NALF1: variants seen among roughly 807,000 people sequenced by gnomAD.
The protein encoded by NALF1 is NALCN channel auxiliary factor 1.
A neutral mutation model predicts 48.4 loss-of-function variants in NALF1; 3 were observed. The ratio of observed to expected loss-of-function variants is 0.06; its 90% CI spans 0.03 to 0.16. The LOEUF is 0.16. Among genes scored for constraint, NALF1 ranks in the 10% least tolerant of loss-of-function variants. The probability of loss-of-function intolerance (pLI) is 1.00; values close to 1 mark genes in which losing one functional copy is unlikely to be tolerated. For missense variants in NALF1, 526 were observed against 571.5 expected (o/e 0.92, Z 0.81); for synonymous variants, 262 against 245.7 (o/e 1.07, Z -0.62).
At chr13:107,598,866 T>C (rs759509319) in intron 1 of NALF1, among the ~76,000 whole-genome samples, 2 of 152,182 alleles carry the variant, frequency 1.3e-5, no homozygotes, top group African/African-American at 4.8e-5. Flanking sequence ...TTCTCACTTA[T>C]CATGATCTGA....
intron 1 of NALF1, among the ~76,000 whole-genome samples, chr13:107,649,882 C>T (rs528754295): frequency 6.6e-6 from 1 of 152,142 alleles, no homozygotes; most frequent in African/African-American, 2.4e-5. Flanking sequence ...GATTCAAATA[C>T]AGGTTAGGCC....
intron 1 of NALF1, among the ~76,000 whole-genome samples, chr13:107,547,312 T>A (rs1490799083): frequency 6.6e-6 from 1 of 152,198 alleles, no homozygotes; most frequent in Non-Finnish European, 1.5e-5. Flanking sequence ...CCAGAAAAAT[T>A]GAATTTTGTT....
At chr13:107,342,886 G>A (rs138960500) in intron 1 of NALF1, among the ~76,000 whole-genome samples, 15 of 152,116 alleles carry the variant, frequency 9.9e-5, no homozygotes, top group South Asian at 6.2e-4. Context: ...TGACGCATAC[G>A]TTGACAGAAG....
In NALF1 at chr13:107,778,708, AG is replaced by A. The variant is rs1212224041; in HGVS notation, c.915+86973del. On this transcript the variant is annotated intron_variant, in intron 1 of 2. Coordinates refer to ENST00000375915, the MANE Select transcript of NALF1 (RefSeq NM_001080396.3). ...ACAGGAGATGGAGACCATAAACCTT[AG>A]GGTCTCTCCCTATTCAAAGGCCCCA... 7.2e-5 allele frequency among the ~76,000 whole-genome samples: 11 copies of A among 152,244 alleles called. No homozygotes were observed. The South Asian group carries it at 2.3e-3, about 32-fold the overall frequency.
intron 1 of NALF1, among the ~76,000 whole-genome samples, chr13:107,333,833 A>T (rs1272704483): frequency 2.0e-5 from 3 of 152,182 alleles, no homozygotes; most frequent in African/African-American, 7.2e-5. Context: ...TGTAGATGGA[A>T]TCATTTCTGT....
intron 2 of NALF1, among the ~76,000 whole-genome samples, chr13:107,199,029 T>G (rs1879452852): frequency 6.6e-6 from 1 of 151,708 alleles, no homozygotes; most frequent in Non-Finnish European, 1.5e-5. Flanking sequence ...GCTTTTAGGG[T>G]GGGTCCTAGT....
intron 1 of NALF1, among the ~76,000 whole-genome samples, chr13:107,575,530 C>A (rs1180028049): frequency 6.6e-6 from 1 of 152,136 alleles, no homozygotes; most frequent in Admixed American, 6.5e-5. Flanking sequence ...GCTGGCAGCA[C>A]ACTGCCTAGG....
rs1006270351 is a variant in NALF1, at chr13:107,374,202, C to A, written c.916-163447G>T. Among the ~76,000 whole-genome samples the A allele has an allele frequency of 2.6e-5, 4 of 152,168 alleles. No individual in the cohort carries two copies. In the East Asian group the frequency reaches 7.7e-4, roughly 29 times the overall value. On this transcript the variant is annotated intron_variant, in intron 1 of 2. Transcript: ENST00000375915. Reference sequence around the variant, plus strand: ...ACTTCTCTGCTGTAGTCAACCTGGACCAGTCACCATCCCACAAACACATCA... The same window carrying A: ...ACTTCTCTGCTGTAGTCAACCTGGAACAGTCACCATCCCACAAACACATCA...
intron 1 of NALF1, among the ~76,000 whole-genome samples, chr13:107,553,644 T>A (rs1170301798): frequency 6.6e-6 from 1 of 152,234 alleles, no homozygotes. Flanking sequence ...CCAATCAAAA[T>A]ATTCATTTGG....
At chr13:107,652,028 T>C (rs1020583556) in intron 1 of NALF1, among the ~76,000 whole-genome samples, 12 of 152,220 alleles carry the variant, frequency 7.9e-5, no homozygotes, top group Admixed American at 6.5e-4. Flanking sequence ...TGTTTAACTC[T>C]ATAAATAACT....
chr13:107,598,799 T>G (rs559556232), intron 1 of NALF1, among the ~76,000 whole-genome samples: 2 of 152,146 alleles, frequency 1.3e-5, no homozygotes, highest in Non-Finnish European at 2.9e-5. Context: ...CCACCTTACC[T>G]GAGGCAGTGG....
rs188545194 is a variant in NALF1, at chr13:107,374,012, C to T, written c.916-163257G>A. On this transcript the variant is annotated intron_variant, in intron 1 of 2. Transcript: ENST00000375915. ...AAAGCAAAAATAAAAACATTTGGGA[C>T]GTTTTCTTTGTAATGAAAATTATTG... is the stretch of plus-strand genomic sequence containing the variant. 6.9e-4 allele frequency among the ~76,000 whole-genome samples: 105 copies of T among 152,240 alleles called. 1 individual carries two copies. The Middle Eastern group carries it at 0.014, about 20-fold the overall frequency.
intron 1 of NALF1, among the ~76,000 whole-genome samples, chr13:107,593,304 G>T (rs918921544): frequency 1.4e-4 from 22 of 151,744 alleles, no homozygotes; most frequent in African/African-American, 5.3e-4. Flanking sequence ...TGATGAAAAT[G>T]ATATTAATAT....
At chr13:107,708,026 T>C (rs573457505) in intron 1 of NALF1, among the ~76,000 whole-genome samples, 25 of 151,776 alleles carry the variant, frequency 1.6e-4, no homozygotes, top group African/African-American at 6.0e-4. Context: ...AATAGGTGTA[T>C]GTGTTTTCTG....
chr13:107,471,414 G>T (rs990655231), intron 1 of NALF1, among the ~76,000 whole-genome samples: 9 of 152,256 alleles, frequency 5.9e-5, no homozygotes, highest in African/African-American at 1.9e-4. Context: ...TTTGCAGTTG[G>T]GTCAGGGGAT....
intron 1 of NALF1, among the ~76,000 whole-genome samples, chr13:107,645,555 C>T (rs1027891751): frequency 3.3e-5 from 5 of 152,090 alleles, no homozygotes; most frequent in Middle Eastern, 3.4e-3. Flanking sequence ...CCACTTAATA[C>T]AATTTTTATC....
At chr13:107,783,064 G>C (rs1189692387) in intron 1 of NALF1, among the ~76,000 whole-genome samples, 1 of 138,960 alleles carries the variant, frequency 7.2e-6, no homozygotes, top group South Asian at 2.2e-4. Context: ...GGAGGGAGGT[G>C]GGGGGGTCAG....
intron 1 of NALF1, among the ~76,000 whole-genome samples, chr13:107,380,425 A>G (rs1040873442): frequency 6.6e-6 from 1 of 152,164 alleles, no homozygotes; most frequent in African/African-American, 2.4e-5. Context: ...TGAACGCTTT[A>G]ACCAAGGAAA....
chr13:107,754,000 AG>A (rs1202650442), intron 1 of NALF1, among the ~76,000 whole-genome samples: 1 of 152,196 alleles, frequency 6.6e-6, no homozygotes, highest in Non-Finnish European at 1.5e-5. Flanking sequence ...GACAAAACAG[AG>A]GTCACATAGA....
Sources: allele counts gnomAD v4.1 joint callset (sites outside exome capture counted in the v4.1 genomes callset), GRCh38; gene constraint gnomAD v4.1.1; transcripts MANE v1.5; gene names NCBI Gene and HGNC (gene_info 2026-07-23, HGNC 2026-07-21).